The following WDPCP variants were observed in gnomAD, a reference collection of about 807,000 sequenced individuals.
WDPCP encodes WD repeat containing planar cell polarity effector, also known as WD repeat-containing and planar cell polarity effector protein fritz homolog.
In WDPCP, 71 loss-of-function variants were observed where a neutral mutation model predicts 93.1. That is an observed-to-expected ratio of 0.76 (90% CI 0.63 to 0.93). The LOEUF (loss-of-function observed/expected upper bound fraction) is 0.93, where lower values mean the gene tolerates loss of function less well. Among genes scored for constraint, WDPCP ranks in the 40% least tolerant of loss-of-function variants. WDPCP has a pLI of 0.00. For missense variants in WDPCP, 844 were observed against 887.4 expected (o/e 0.95, Z 0.62); for synonymous variants, 315 against 315.0 (o/e 1.00, Z 0.00).
chr2:63,203,724 ATAAG>A (rs1676102576), intron 14 of WDPCP, among the ~76,000 whole-genome samples: 2 of 152,162 alleles, frequency 1.3e-5, no homozygotes, highest in South Asian at 2.1e-4. Context: ...GCTCTTATAA[ATAAG>A]TGAGAACATG....
chr2:63,464,593 T>C (rs756705961), intron 6 of WDPCP, among the ~76,000 whole-genome samples: 5 of 152,052 alleles, frequency 3.3e-5, no homozygotes, highest in Admixed American at 6.6e-5. Context: ...CTCATCTTCA[T>C]AGATGCACTA....
intron 1 of WDPCP, among the ~76,000 whole-genome samples, chr2:63,528,497 T>G (rs1415969467): frequency 6.6e-6 from 1 of 152,260 alleles, no homozygotes; most frequent in African/African-American, 2.4e-5. Flanking sequence ...TTCTTGTTTT[T>G]ATCAGGTTTG....
chr2:63,341,984 T>C (rs1284764265), intron 12 of WDPCP, among the ~76,000 whole-genome samples: 1 of 152,180 alleles, frequency 6.6e-6, no homozygotes, highest in Admixed American at 6.5e-5. Context: ...TTTAATCCAG[T>C]GGTCCCCAAC....
At chr2:63,422,383 A>G (rs1265169566) in intron 9 of WDPCP, among the ~76,000 whole-genome samples, 4 of 152,202 alleles carry the variant, frequency 2.6e-5, no homozygotes, top group East Asian at 1.9e-4. Flanking sequence ...AAAATTCATG[A>G]ATTAATAATG....
intron 1 of WDPCP, among the ~76,000 whole-genome samples, chr2:63,500,495 C>A (rs987029628): frequency 8.4e-6 from 1 of 119,412 alleles, no homozygotes; most frequent in East Asian, 3.1e-4. Flanking sequence ...AGTGGTTATA[C>A]AGTGATCAAA....
chr2:63,141,239 C>T (rs930160735), intron 17 of WDPCP, among the ~76,000 whole-genome samples: 4 of 151,930 alleles, frequency 2.6e-5, no homozygotes, highest in African/African-American at 7.3e-5. Context: ...CCACCAGGCC[C>T]GGCTAATTTT....
chr2:63,648,687 G>A (rs553893600), intron 3 of WDPCP, among the ~76,000 whole-genome samples: 1 of 152,206 alleles, frequency 6.6e-6, no homozygotes, highest in African/African-American at 2.4e-5. Flanking sequence ...CATCCATTTT[G>A]TTGCACGAAT....
At chr2:63,338,575 TATATATATATA>T (rs1207881548) in intron 12 of WDPCP, among the ~76,000 whole-genome samples, 2 of 5,484 alleles carry the variant, frequency 3.6e-4, no homozygotes, top group Non-Finnish European at 4.8e-4. Context: ...AAAAAATATA[TATATATATATA>T]TATATATATA....
intron 10 of WDPCP, among the ~76,000 whole-genome samples, chr2:63,382,442 C>CAA (rs200970158): frequency 8.7e-5 from 13 of 149,806 alleles, no homozygotes; most frequent in Admixed American, 8.0e-4. Flanking sequence ...TAAGTACTAG[C>CAA]AAAAAAAACC....
At chr2:63,210,144 G>C (rs1255791518) in intron 14 of WDPCP, among the ~76,000 whole-genome samples, 1 of 151,614 alleles carries the variant, frequency 6.6e-6, no homozygotes, top group Non-Finnish European at 1.5e-5. Flanking sequence ...AATTATAAAT[G>C]TTATATATTT....
chr2:63,148,669 T>C (rs1168174615), intron 17 of WDPCP, among the ~76,000 whole-genome samples: 2 of 152,150 alleles, frequency 1.3e-5, no homozygotes, highest in East Asian at 3.9e-4. Context: ...AAAAAGTATT[T>C]TCTTTTCTGT....
intron 4 of WDPCP, among the ~76,000 whole-genome samples, chr2:63,485,382 CATGAGTAA>C (rs143200615): frequency 0.016 from 2,400 of 148,424 alleles, 72 homozygotes; most frequent in African/African-American, 0.056. Flanking sequence ...AAAAAATTAT[CATGAGTAA>C]ATGAATATAA....
chr2:63,407,007 C>T (rs1011711132), intron 9 of WDPCP, among the ~76,000 whole-genome samples: 1 of 152,076 alleles, frequency 6.6e-6, no homozygotes, highest in African/African-American at 2.4e-5. Context: ...GGGGGTAGCA[C>T]TTTCCACACA....
intron 15 of WDPCP, among the ~76,000 whole-genome samples, chr2:63,158,891 C>T (rs564551084): frequency 6.8e-6 from 1 of 147,094 alleles, no homozygotes; most frequent in African/African-American, 2.5e-5. Context: ...AATGCCAGCA[C>T]TCTGGCAGGC....
intron 9 of WDPCP, among the ~76,000 whole-genome samples, chr2:63,416,743 C>T (rs1004980156): frequency 6.6e-6 from 1 of 151,158 alleles, no homozygotes; most frequent in East Asian, 2.0e-4. Flanking sequence ...AGGCTGGTCT[C>T]GAACTCCTGA....
chr2:63,687,733 G>C (rs1308398951), intron 2 of WDPCP, among the ~76,000 whole-genome samples: 1 of 151,464 alleles, frequency 6.6e-6, no homozygotes, highest in Non-Finnish European at 1.5e-5. Context: ...TGCATTGTTG[G>C]TAAGAATGTA....
intron 2 of WDPCP, chr2:63,684,599 G>A: frequency 1.4e-6 from 1 of 718,446 alleles, no homozygotes; most frequent in Non-Finnish European, 2.6e-6. Flanking sequence ...CATCAGTAAG[G>A]ATGTCTTCAG....
At chr2:63,211,709 TA>T (rs1219043369) in intron 14 of WDPCP, among the ~76,000 whole-genome samples, 1 of 152,062 alleles carries the variant, frequency 6.6e-6, no homozygotes, top group East Asian at 1.9e-4. Flanking sequence ...GCAAAGAAGC[TA>T]AAAACCTTGA....
At chr2:63,420,619 G>A (rs938034658) in intron 9 of WDPCP, among the ~76,000 whole-genome samples, 2 of 151,762 alleles carry the variant, frequency 1.3e-5, no homozygotes, top group Non-Finnish European at 2.9e-5. Context: ...CTCCCCAGAT[G>A]CAACACTATT....
Sources: allele counts gnomAD v4.1 joint callset (sites outside exome capture counted in the v4.1 genomes callset), GRCh38; gene constraint gnomAD v4.1.1; transcripts MANE v1.5; gene names NCBI Gene and HGNC (gene_info 2026-07-23, HGNC 2026-07-21).